Variants in USP42 observed in about 807,000 individuals in gnomAD.
USP42 encodes the protein ubiquitin specific peptidase 42, also known as ubiquitin carboxyl-terminal hydrolase 42.
In USP42, 23 loss-of-function variants were observed where a neutral mutation model predicts 113.0. The ratio of observed to expected loss-of-function variants is 0.20; its 90% CI spans 0.15 to 0.29. The LOEUF (loss-of-function observed/expected upper bound fraction) is 0.29. USP42 is among the 10% of genes least tolerant of loss of function. The pLI, the probability that USP42 is intolerant of heterozygous loss-of-function variation, is 1.00. For synonymous variants in USP42, 933 were observed against 699.0 expected (o/e 1.33, Z -5.28); for missense variants, 2,174 against 1,779.8 (o/e 1.22, Z -3.99).
intron 3 of USP42, among the ~76,000 whole-genome samples, chr7:6,133,799 C>T (rs745502636): frequency 2.0e-4 from 31 of 152,032 alleles, no homozygotes; most frequent in Non-Finnish European, 4.4e-4. Context: ...GGATGACAGG[C>T]GTAAGCCACC....
chr7:6,157,994 G>A lies in USP42; in HGVS notation c.3943+939G>A, dbSNP rs1000076434. On this transcript the variant is annotated intron_variant, in intron 16 of 17. Transcript: ENST00000306177. The surrounding 1 kb of genome is among the most constrained non-coding windows in gnomAD (Gnocchi z 4.1). ...AGCCTGTTAGAAGCGGATGTCACTC[G>A]AGTCAGTGGACCTAGAGCGGAGGCT... Among the ~76,000 whole-genome samples, 13 of 152,232 alleles carry A rather than the reference G, an allele frequency of 8.5e-5. No individual in the cohort carries two copies. The highest frequency in any genetic ancestry group is 2.9e-4 in the African/African-American group (12 of 41,464).
At position 6,149,579 on chromosome 7, in the gene USP42, C is replaced by T; in HGVS notation, c.1387-4C>T. Reference sequence around the variant, plus strand: ...CTGACCAGGTGCGCTCTGCTTACTTCCAGAATCCACCTCACTTAAATGGGA... The same window carrying T: ...CTGACCAGGTGCGCTCTGCTTACTTTCAGAATCCACCTCACTTAAATGGGA... On this transcript the variant is annotated splice_polypyrimidine_tract_variant and splice_region_variant and intron_variant, in intron 12 of 17. Transcript: ENST00000306177. 1 of 1,609,232 alleles carries T rather than the reference C, an allele frequency of 6.2e-7. No homozygotes were observed. Among genetic ancestry groups the T allele is most frequent in the Non-Finnish European group, 8.5e-7 (1 of 1,176,708 alleles).
chr7:6,140,217 GATAAAATGATACACACATGTGGTT>G, intron 6 of USP42, 22 bp downstream of exon 6: 2 of 1,593,494 alleles, frequency 1.3e-6, no homozygotes, highest in South Asian at 2.2e-5. Flanking sequence ...CTTATAAGTT[GATAAAATGATACACACATGTGGTT>G]AAAAAATGGT....
intron 14 of USP42, among the ~76,000 whole-genome samples, chr7:6,152,504 C>G (rs565240538): frequency 6.6e-6 from 1 of 152,106 alleles, no homozygotes; most frequent in Non-Finnish European, 1.5e-5. Flanking sequence ...TGGCCCCCGG[C>G]GGGTGGGAGT....
At chr7:6,101,570 G>T (rs975124417), upstream of USP42, among the ~76,000 whole-genome samples, 2 of 151,246 alleles carry the variant, frequency 1.3e-5, no homozygotes, top group African/African-American at 4.9e-5. Flanking sequence ...CAAGGCCCCA[G>T]CTGTTTGTAG....
upstream of USP42, among the ~76,000 whole-genome samples, chr7:6,103,720 G>A (rs1318602987): frequency 7.9e-6 from 1 of 126,072 alleles, no homozygotes; most frequent in East Asian, 2.3e-4. Context: ...GGGCAACATA[G>A]CGAGACCCCC....
intron 3 of USP42, among the ~76,000 whole-genome samples, chr7:6,121,521 A>G (rs1202351178): frequency 6.6e-6 from 1 of 150,596 alleles, no homozygotes; most frequent in Non-Finnish European, 1.5e-5. Context: ...ATGTGTTGGG[A>G]TATGTTTTCT....
chr7:6,095,254 C>T, the USP42 span, among the ~76,000 whole-genome samples: 1 of 151,264 alleles, frequency 6.6e-6, no homozygotes, highest in Non-Finnish European at 1.5e-5. Flanking sequence ...TAACTTGATC[C>T]CTTAGCAATA....
chr7:6,081,374 G>C, the USP42 span: 25 of 152,178 alleles, frequency 1.6e-4, no homozygotes, highest in East Asian at 4.3e-3. Context: ...CGGGGAGGTA[G>C]ATGGCGGGCG....
At chr7:6,081,346 C>T in the USP42 span, 6 of 1,330 alleles carry the variant, frequency 4.5e-3, no homozygotes, top group African/African-American at 0.022. Flanking sequence ...CACCATCATA[C>T]CGGGGGCCGG....
chr7:6,088,310 CA>C, the USP42 span, among the ~76,000 whole-genome samples: 1 of 150,874 alleles, frequency 6.6e-6, no homozygotes, highest in Admixed American at 6.6e-5. Context: ...GGCTGGACTG[CA>C]GTGGTGCAAT....
intron 3 of USP42, among the ~76,000 whole-genome samples, 159 bp from the exon 4 acceptor site, chr7:6,135,681 CA>C (rs1334949037): frequency 2.9e-5 from 3 of 102,576 alleles, no homozygotes; most frequent in South Asian, 3.4e-4. Flanking sequence ...AAAAAAAGAA[CA>C]AAAAAAAGTA....
At chr7:6,099,507 C>T in the USP42 span, among the ~76,000 whole-genome samples, 2 of 150,628 alleles carry the variant, frequency 1.3e-5, no homozygotes, top group Non-Finnish European at 2.9e-5. Context: ...AGCCACTGTG[C>T]CTGGCCAATT....
intron 6 of USP42, 99 bp downstream of exon 6, chr7:6,140,294 T>A: frequency 1.8e-5 from 19 of 1,053,496 alleles, no homozygotes; most frequent in Non-Finnish European, 2.6e-5. Flanking sequence ...GAAGGAAAAG[T>A]GCTTCTCTCC....
At position 6,140,141 on chromosome 7, in the gene USP42, A is replaced by T; in HGVS notation, c.670A>T (p.Thr224Ser). The T allele has an allele frequency of 6.2e-7, 1 of 1,614,006 alleles. No individual in the cohort carries two copies. The highest frequency in any genetic ancestry group is 8.5e-7 in the Non-Finnish European group (1 of 1,179,882). The change falls in exon 6 of 18, where the codon ACC (threonine) becomes TCC (serine). Residue 224 changes from threonine (T) to serine (S), a missense_variant. Transcript: ENST00000306177. ...AACGTTTTTCAGATTAGACAGACAC[A>T]CCCAGGCCACCACTCTTGTTTGTCA... ...LNGSNKLDRH[T>S]QATTLVCQIF...
chr7:6,086,103 T>G, the USP42 span, among the ~76,000 whole-genome samples: 4 of 150,436 alleles, frequency 2.7e-5, no homozygotes, highest in Admixed American at 1.3e-4. Context: ...TGCCAAGATC[T>G]TGGCTCATTG....
At chr7:6,112,847 C>T (rs1488208285) in intron 2 of USP42, among the ~76,000 whole-genome samples, 1 of 151,324 alleles carries the variant, frequency 6.6e-6, no homozygotes, top group African/African-American at 2.4e-5. Context: ...TGGACACCCC[C>T]TGGCTTCGAG....
At chr7:6,093,660 TTCTC>T in the USP42 span, among the ~76,000 whole-genome samples, 6 of 148,230 alleles carry the variant, frequency 4.0e-5, no homozygotes, top group Admixed American at 2.0e-4. Context: ...CTTTCTTCCT[TTCTC>T]TCTTTTTTTC....
chr7:6,126,948 G>C (rs1270594419), intron 3 of USP42, among the ~76,000 whole-genome samples: 1 of 152,228 alleles, frequency 6.6e-6, no homozygotes, highest in African/African-American at 2.4e-5. Flanking sequence ...AACTGCCAAA[G>C]CAATATATGA....
Sources: gnomAD v4.1 joint callset for allele counts (sites outside exome capture counted in the v4.1 genomes callset) on GRCh38, gnomAD v4.1.1 for gene constraint, Gnocchi (gnomAD v3.1) non-coding constraint, MANE v1.5 for transcripts, NCBI Gene and HGNC (gene_info 2026-07-23, HGNC 2026-07-21) for gene names.